The following NELL1 variants were observed in gnomAD, a reference collection of about 807,000 sequenced individuals.
NELL1 encodes protein kinase C-binding protein NELL1.
In NELL1, 76 loss-of-function variants were observed where a neutral mutation model predicts 107.4. The observed-to-expected ratio is 0.71, with a 90% CI of 0.59 to 0.86. The LOEUF is 0.86. NELL1 is among the 40% of genes least tolerant of loss of function. The pLI is 0.00. For synonymous variants in NELL1, 353 were observed against 341.2 expected (o/e 1.03, Z -0.38); for missense variants, 1,024 against 1,005.5 (o/e 1.02, Z -0.25).
chr11:21,190,964 T>C (rs1008302478), intron 13 of NELL1, among the ~76,000 whole-genome samples: 1 of 151,774 alleles, frequency 6.6e-6, no homozygotes, highest in African/African-American at 2.4e-5. Context: ...GTATGTAATG[T>C]TGGGCATATT....
Position 21,147,561 on chromosome 11 carries a change from G to A in NELL1, c.1426+33847G>A, listed in dbSNP as rs145316136. On this transcript the variant is annotated intron_variant, in intron 13 of 19. Coordinates refer to ENST00000357134, the MANE Select transcript of NELL1 (RefSeq NM_006157.5). Reference sequence around the variant, plus strand: ...TTTGTATGAGATATAGGCTGGGCATGGTGGCTCCCGCCTGTAATCCCAGCA... The same window carrying A: ...TTTGTATGAGATATAGGCTGGGCATAGTGGCTCCCGCCTGTAATCCCAGCA... Among the ~76,000 whole-genome samples the A allele has an allele frequency of 1.3e-3, 198 of 152,120 alleles. 1 individual carries two copies. Among genetic ancestry groups the A allele is most frequent in the African/African-American group, 4.6e-3 (189 of 41,506 alleles).
chr11:21,300,902 C>G (rs1014755467), intron 14 of NELL1, among the ~76,000 whole-genome samples: 2 of 151,920 alleles, frequency 1.3e-5, no homozygotes, highest in Admixed American at 1.3e-4. Flanking sequence ...TCCCTCTCCC[C>G]ACCCCACAAC....
At chr11:20,686,546 A>T (rs1391155359) in intron 2 of NELL1, among the ~76,000 whole-genome samples, 2 of 151,978 alleles carry the variant, frequency 1.3e-5, no homozygotes, top group African/African-American at 2.4e-5. Flanking sequence ...GGATTTATGG[A>T]CAAAAAAGGG....
rs1856951069 is a variant in NELL1 at position 21,187,113 on chromosome 11, C to A, written c.1427-42219C>A. Among the ~76,000 whole-genome samples the A allele has an allele frequency of 2.0e-5, 3 of 151,398 alleles. No individual in the cohort carries two copies. The South Asian group carries it at 6.2e-4, about 31-fold the overall frequency. The stretch of plus-strand genomic sequence containing the variant: ...CATGACAGAAATATAATTTAAAAGT[C>A]TTTTTTTTGTCCATTTGCACTAAAG... On this transcript the variant is annotated intron_variant, in intron 13 of 19. Coordinates refer to ENST00000357134, the MANE Select transcript of NELL1 (RefSeq NM_006157.5).
intron 15 of NELL1, among the ~76,000 whole-genome samples, chr11:21,488,263 C>A (rs1014460018): frequency 6.6e-6 from 1 of 151,648 alleles, no homozygotes; most frequent in African/African-American, 2.4e-5. Flanking sequence ...CAGGATAGAC[C>A]GTATGTTAGG....
intron 15 of NELL1, chr11:21,504,256 G>C (rs1475771168): frequency 1.3e-5 from 2 of 152,130 alleles, no homozygotes. Flanking sequence ...GTGACAATAC[G>C]ATCATGATAA....
At position 21,068,508 on chromosome 11, in the gene NELL1, A is replaced by C. The variant is rs150141517; in HGVS notation, c.1301-45081A>C. Among the ~76,000 whole-genome samples the C allele has an allele frequency of 5.5e-3, 831 of 152,338 alleles. 6 individuals carry two copies. Among genetic ancestry groups the C allele is most frequent in the African/African-American group, 0.019 (798 of 41,584 alleles). On this transcript the variant is annotated intron_variant, in intron 12 of 19. Transcript: ENST00000357134. ...TGAGTGGCCTGGAATAAATGTAGAC[A>C]TGGAATAGGAACTTGCTATATTAGT...
intron 12 of NELL1, among the ~76,000 whole-genome samples, chr11:20,969,267 G>A (rs909245346): frequency 2.0e-5 from 3 of 152,016 alleles, no homozygotes; most frequent in Non-Finnish European, 4.4e-5. Flanking sequence ...GTCTCAAGGT[G>A]ACCCATCTCC....
chr11:20,911,874 G>A (rs1413587070), intron 5 of NELL1, among the ~76,000 whole-genome samples: 3 of 152,132 alleles, frequency 2.0e-5, no homozygotes, highest in African/African-American at 7.2e-5. Context: ...GGGGAAATAT[G>A]TCAGTGTCTC....
At chr11:21,184,262 GTTTGT>G (rs747179435) in intron 13 of NELL1, among the ~76,000 whole-genome samples, 1 of 151,504 alleles carries the variant, frequency 6.6e-6, no homozygotes, top group African/African-American at 2.4e-5. Context: ...TTTGTTTATT[GTTTGT>G]TTTGTTTTGT....
intron 2 of NELL1, among the ~76,000 whole-genome samples, chr11:20,730,780 A>G (rs558957797): frequency 2.0e-4 from 30 of 152,274 alleles, no homozygotes; most frequent in African/African-American, 7.2e-4. Context: ...TGGATACCTG[A>G]ATGTGTAAGA....
chr11:20,762,222 T>A (rs565916121), intron 2 of NELL1, among the ~76,000 whole-genome samples: 12 of 152,228 alleles, frequency 7.9e-5, no homozygotes, highest in Non-Finnish European at 1.6e-4. Context: ...GTTCAGGTGT[T>A]GTGCTGAAGG....
chr11:21,399,843 G>A (rs72961927), intron 15 of NELL1, among the ~76,000 whole-genome samples: 2 of 151,752 alleles, frequency 1.3e-5, no homozygotes, highest in East Asian at 2.0e-4. Flanking sequence ...GCTGATGGAA[G>A]ATAATGATGA....
intron 5 of NELL1, among the ~76,000 whole-genome samples, chr11:20,897,450 C>T (rs1393035136): frequency 6.6e-6 from 1 of 152,074 alleles, no homozygotes; most frequent in Non-Finnish European, 1.5e-5. Context: ...GACCTAAAAC[C>T]ATAAAAACCC....
At chr11:21,031,871 CCT>C (rs962634233) in intron 12 of NELL1, among the ~76,000 whole-genome samples, 2 of 151,732 alleles carry the variant, frequency 1.3e-5, no homozygotes, top group African/African-American at 4.8e-5. Flanking sequence ...TGAAGAAACC[CCT>C]GTCTCTACTA....
At chr11:21,026,800 A>C (rs750469126) in intron 12 of NELL1, among the ~76,000 whole-genome samples, 2 of 152,306 alleles carry the variant, frequency 1.3e-5, no homozygotes, top group Non-Finnish European at 2.9e-5. Flanking sequence ...TTTATAGATG[A>C]GAAACATGAG....
intron 12 of NELL1, among the ~76,000 whole-genome samples, chr11:20,982,398 A>T (rs11025851): frequency 0.047 from 7,193 of 152,232 alleles, 223 homozygotes; most frequent in Middle Eastern, 0.2. Context: ...CTGTAAAATG[A>T]TGATATGATT....
intron 4 of NELL1, among the ~76,000 whole-genome samples, chr11:20,872,018 C>CAAAAAAAA (rs1160968611): frequency 3.4e-4 from 14 of 41,672 alleles, no homozygotes; most frequent in Admixed American, 3.9e-4. Context: ...GACTCCGTCT[C>CAAAAAAAA]AAAAAAAAAA....
chr11:21,267,393 A>C (rs534393081), intron 14 of NELL1, among the ~76,000 whole-genome samples: 1 of 152,276 alleles, frequency 6.6e-6, no homozygotes, highest in Non-Finnish European at 1.5e-5. Flanking sequence ...AATATAGTTC[A>C]AAATAGTTTT....
Sources: gnomAD v4.1 joint callset for allele counts (sites outside exome capture counted in the v4.1 genomes callset) on GRCh38, gnomAD v4.1.1 for gene constraint, MANE v1.5 for transcripts, NCBI Gene and HGNC (gene_info 2026-07-23, HGNC 2026-07-21) for gene names.